The following SKIC2 variants were observed in gnomAD, a reference collection of about 807,000 sequenced individuals.
SKIC2 encodes the protein SKI2 subunit of superkiller complex.
At chr6:31,967,540 C>T in the SKIC2 span, among the ~76,000 whole-genome samples, 1 of 152,122 alleles carries the variant, frequency 6.6e-6, no homozygotes, top group South Asian at 2.1e-4. The surrounding 1 kb of genome is among the most constrained non-coding windows in gnomAD (Gnocchi z 4.9). Flanking sequence ...CATGCTCACT[C>T]CTTCCTCCCA....
the SKIC2 span, chr6:31,963,214 T>C: frequency 1.2e-6 from 1 of 808,346 alleles, no homozygotes; most frequent in Middle Eastern, 2.3e-4. The surrounding 1 kb of genome is among the most constrained non-coding windows in gnomAD (Gnocchi z 5.3). Context: ...CTGGGGAACA[T>C]GTCCCACCTG....
chr6:31,960,269 G>C, the SKIC2 span: 1 of 1,613,208 alleles, frequency 6.2e-7, no homozygotes. Context: ...TGTCCTGGGA[G>C]CCCCAGTCCC....
chr6:31,961,603 G>T, the SKIC2 span: 1 of 1,613,104 alleles, frequency 6.2e-7, no homozygotes, highest in Non-Finnish European at 8.5e-7. Context: ...CTCAGGAGCA[G>T]TGGGCCATCC....
the SKIC2 span, chr6:31,967,493 G>A: frequency 1.3e-4 from 107 of 840,532 alleles, no homozygotes; most frequent in Non-Finnish European, 1.9e-4. The surrounding 1 kb of genome is among the most constrained non-coding windows in gnomAD (Gnocchi z 4.9). Context: ...TTCCCCTCTT[G>A]CCCTCCTTTT....
chr6:31,969,357 G>A, the SKIC2 span: 16 of 1,614,134 alleles, frequency 9.9e-6, no homozygotes, highest in Non-Finnish European at 1.3e-5. The surrounding 1 kb of genome is among the most constrained non-coding windows in gnomAD (Gnocchi z 6.1). Flanking sequence ...AGACGGTGGA[G>A]GAATTTGTGG....
chr6:31,967,956 G>A, the SKIC2 span: 1 of 1,613,070 alleles, frequency 6.2e-7, no homozygotes, highest in Non-Finnish European at 8.5e-7. This position sits in a 1 kb window ranked among gnomAD's most constrained non-coding sequence, Gnocchi z 4.9. Context: ...CTTTTCACAG[G>A]GCCTTGTGAC....
the SKIC2 span, chr6:31,963,462 G>C: frequency 6.2e-7 from 1 of 1,611,142 alleles, no homozygotes; most frequent in South Asian, 1.1e-5. The surrounding 1 kb of genome is among the most constrained non-coding windows in gnomAD (Gnocchi z 5.3). Context: ...AACCCGCCCC[G>C]TGCCCCTGGA....
chr6:31,968,743 C>T, the SKIC2 span: 1 of 1,612,804 alleles, frequency 6.2e-7, no homozygotes, highest in Admixed American at 1.7e-5. This position sits in a 1 kb window ranked among gnomAD's most constrained non-coding sequence, Gnocchi z 6.1. Flanking sequence ...GCTGCGCTTC[C>T]TACTGTCGGA....
chr6:31,964,374 G>C, the SKIC2 span: 2 of 1,558,306 alleles, frequency 1.3e-6, no homozygotes, highest in African/African-American at 1.4e-5. The surrounding 1 kb of genome is among the most constrained non-coding windows in gnomAD (Gnocchi z 5.0). Flanking sequence ...GACTCCTCAG[G>C]GTGCTTGTTG....
At chr6:31,968,858 CTT>C in the SKIC2 span, 1 of 1,612,010 alleles carries the variant, frequency 6.2e-7, no homozygotes, top group Non-Finnish European at 8.5e-7. This position sits in a 1 kb window ranked among gnomAD's most constrained non-coding sequence, Gnocchi z 6.1. Flanking sequence ...AATGCCCACC[CTT>C]TTTCTTGCAG....
the SKIC2 span, chr6:31,963,275 G>A: frequency 1.1e-6 from 1 of 887,038 alleles, no homozygotes; most frequent in Non-Finnish European, 1.7e-6. The surrounding 1 kb of genome is among the most constrained non-coding windows in gnomAD (Gnocchi z 5.3). Context: ...GTTGAAATGG[G>A]ATGAGATGTT....
the SKIC2 span, chr6:31,963,700 C>T: frequency 1.3e-6 from 2 of 1,552,598 alleles, no homozygotes; most frequent in South Asian, 2.5e-5. This position sits in a 1 kb window ranked among gnomAD's most constrained non-coding sequence, Gnocchi z 5.3. Flanking sequence ...CCTTTGGGGC[C>T]AAGCAGCCCA....
the SKIC2 span, chr6:31,967,477 C>T: frequency 1.1e-6 from 1 of 924,924 alleles, no homozygotes; most frequent in Non-Finnish European, 1.7e-6. The surrounding 1 kb of genome is among the most constrained non-coding windows in gnomAD (Gnocchi z 4.9). Flanking sequence ...TCATAGGGCC[C>T]TCATTTTCCC....
chr6:31,959,653 T>C, the SKIC2 span: 1 of 557,698 alleles, frequency 1.8e-6, no homozygotes, highest in East Asian at 3.0e-5. Context: ...AGCTCCCTTC[T>C]GTATCCAAGC....
At chr6:31,965,895 G>A in the SKIC2 span, 19 of 1,612,926 alleles carry the variant, frequency 1.2e-5, no homozygotes, top group Non-Finnish European at 1.5e-5. The surrounding 1 kb of genome is among the most constrained non-coding windows in gnomAD (Gnocchi z 5.6). Context: ...CTGCTCCCTG[G>A]GGAGTATGTG....
At chr6:31,961,700 C>T in the SKIC2 span, 1 of 1,603,460 alleles carries the variant, frequency 6.2e-7, no homozygotes, top group Non-Finnish European at 8.5e-7. Context: ...TCTTCACACG[C>T]TCCTCTACCT....
chr6:31,964,059 C>T, the SKIC2 span: 29 of 1,612,596 alleles, frequency 1.8e-5, no homozygotes, highest in African/African-American at 4.0e-5. This position sits in a 1 kb window ranked among gnomAD's most constrained non-coding sequence, Gnocchi z 5.0. Context: ...CGGAGAAGAG[C>T]GAGATCCACC....
At chr6:31,959,971 T>G in the SKIC2 span, 5 of 1,420,786 alleles carry the variant, frequency 3.5e-6, no homozygotes, top group Non-Finnish European at 5.0e-6. Context: ...TTTTATCCTC[T>G]TTCCTTACCT....
At chr6:31,964,130 G>T in the SKIC2 span, 1 of 1,605,748 alleles carries the variant, frequency 6.2e-7, no homozygotes, top group South Asian at 1.1e-5. This position sits in a 1 kb window ranked among gnomAD's most constrained non-coding sequence, Gnocchi z 5.0. Context: ...CCCCAGGTGC[G>T]TCTGTGTGCG....
Sources: allele counts gnomAD v4.1 joint callset (sites outside exome capture counted in the v4.1 genomes callset), GRCh38; gene constraint gnomAD v4.1.1; non-coding constraint Gnocchi (gnomAD v3.1); transcripts MANE v1.5; gene names NCBI Gene and HGNC (gene_info 2026-07-23, HGNC 2026-07-21).